The following C1QTNF8 variants were observed in gnomAD, a reference collection of about 807,000 sequenced individuals.
C1QTNF8 encodes the protein complement C1q tumor necrosis factor-related protein 8.
In C1QTNF8, 27 loss-of-function variants were observed where a neutral mutation model predicts 19.2. That is an observed-to-expected ratio of 1.41 (90% CI 1.04 to 1.94). The LOEUF (loss-of-function observed/expected upper bound fraction) is 1.94, where lower values mean the gene tolerates loss of function less well. C1QTNF8 is among the 30% of genes most tolerant of loss of function. The pLI is 0.00. For missense variants in C1QTNF8, 484 were observed against 374.4 expected, an observed-to-expected ratio of 1.29 and a Z score of -2.42; for synonymous variants, 208 against 172.8, an observed-to-expected ratio of 1.20 and a Z score of -1.60.
At chr16:1,092,528 A>C (rs868400846) in intron 4 of C1QTNF8, among the ~76,000 whole-genome samples, 434 of 40,690 alleles carry the variant, frequency 0.011, no homozygotes, top group Non-Finnish European at 0.012. Context: ...TCAACCAATC[A>C]CAGCACACAG....
In C1QTNF8 at chr16:1,088,631, T is replaced by G. The variant is rs538734686; in HGVS notation, c.*1968A>C. On this transcript the variant is annotated 3_prime_UTR_variant, in exon 5 of 5. Coordinates refer to ENST00000328449, the MANE Select transcript of C1QTNF8 (RefSeq NM_207419.3). ...TCTCAGTCATTGTTTTTTAAACAAA[T>G]AAACCTGGAAGGTTGGCGGGATGCA... is the stretch of plus-strand genomic sequence containing the variant. 3.9e-5 allele frequency among the ~76,000 whole-genome samples: 6 copies of G among 152,302 alleles called. No homozygotes were observed. The East Asian group carries it at 7.7e-4, about 20-fold the overall frequency.
intron 4 of C1QTNF8, among the ~76,000 whole-genome samples, chr16:1,092,383 C>T (rs111647439): frequency 6.7e-6 from 1 of 148,794 alleles, no homozygotes; most frequent in Non-Finnish European, 1.5e-5. Context: ...GGGGCACAAC[C>T]AATCCCTGCA....
chr16:1,094,654 ACTCCCTGTGGGCTGTTG>A, intron 3 of C1QTNF8, 44 bp downstream of exon 3: 1 of 1,427,684 alleles, frequency 7.0e-7, no homozygotes, highest in Middle Eastern at 1.9e-4. Flanking sequence ...GGTGCTCCCC[ACTCCCTGTGGGCTGTTG>A]GGTCCTGGTG....
rs776172379 is a variant in C1QTNF8, at chr16:1,094,815, A to G, written c.108T>C (p.Pro36=). 1.1e-5 allele frequency: 17 copies of G among 1,496,206 alleles called. No homozygotes were observed. The highest frequency in any genetic ancestry group is 2.2e-5 in the Admixed American group (1 of 45,326). 92.7% of individuals were successfully genotyped at this position (1,496,206 alleles called of 1,614,324 possible). A position where few individuals can be genotyped will look rare whatever the true frequency, so the allele number is the denominator to read the frequency against. Residue 36 remains proline (P), a synonymous_variant, in exon 3 of 5, where the codon CCT becomes CCC. Coordinates refer to ENST00000328449, the MANE Select transcript of C1QTNF8 (RefSeq NM_207419.3). ...CVHCCRPAWP[P]GPYARVSDRD... is the part of the protein sequence containing the mutation. ...TGTCACTCACCCGGGCATAGGGTCCAGGGGGCCAGGCCGGGCGGCAGCAGT... is the reference window on the plus strand; with the variant it reads ...TGTCACTCACCCGGGCATAGGGTCCGGGGGGCCAGGCCGGGCGGCAGCAGT...
Position 1,093,630 on chromosome 16 carries a change from C to T in C1QTNF8, c.630G>A (p.Leu210=), listed in dbSNP as rs2151566672. The part of the protein sequence containing the change: ...SVMQAQSLML[L]LAAGDAVWVR... ...CCCAGACGGCGTCGCCCGCCGCCAG[C>T]AGCAGCATCAGGCTCTGGGCCTGCA... is the stretch of plus-strand genomic sequence containing the variant. Residue 210 remains leucine (L), a synonymous_variant, in exon 4 of 5, where the codon CTG becomes CTA. Transcript: ENST00000328449. 1.2e-6 allele frequency: 2 copies of T among 1,608,982 alleles called. No homozygotes were observed. Among genetic ancestry groups the T allele is most frequent in the East Asian group, 4.5e-5 (2 of 44,730 alleles).
Position 1,093,556 on chromosome 16 carries a change from C to T in C1QTNF8, c.704G>A (p.Gly235Glu), listed in dbSNP as rs779102043. 2 of 1,589,314 alleles carry T rather than the reference C, an allele frequency of 1.3e-6. No individual in the cohort carries two copies. The highest frequency in any genetic ancestry group is 2.7e-5 in the African/African-American group (2 of 74,270). ...GCCGCTGAAGGTGATGTAGAGGTCTCCGTGCTCGCCGTAGATGGCGTTGTC... is the reference window on the plus strand; with the variant it reads ...GCCGCTGAAGGTGATGTAGAGGTCTTCGTGCTCGCCGTAGATGGCGTTGTC... ...DRDNAIYGEH[G>E]DLYITFSGHL... is the part of the protein sequence containing the mutation. The change falls in exon 4 of 5, where the codon GGA becomes GAA. Residue 235 changes from glycine to glutamate, a missense_variant. Gly to Glu is a moderately conservative substitution (Grantham distance 98). Coordinates refer to ENST00000328449, the MANE Select transcript of C1QTNF8 (RefSeq NM_207419.3).
rs1462573562 is a variant in C1QTNF8 at position 1,089,394 on chromosome 16, C to G, written c.*1205G>C. ...AGCAGGAACCCCTGGAGCCGTGCAG[C>G]TGTCCTCCGGGGCCTGGACACCAAG... is the stretch of plus-strand genomic sequence containing the variant. On this transcript the variant is annotated 3_prime_UTR_variant, in exon 5 of 5. Coordinates refer to ENST00000328449, the MANE Select transcript of C1QTNF8 (RefSeq NM_207419.3). 6.6e-6 allele frequency among the ~76,000 whole-genome samples: 1 copy of G among 152,206 alleles called. No homozygotes were observed. The highest frequency in any genetic ancestry group is 2.4e-5 in the African/African-American group (1 of 41,458).
chr16:1,093,725 A>C lies in C1QTNF8; in HGVS notation c.535T>G (p.Tyr179Asp). 1 of 1,612,222 alleles carries C rather than the reference A, an allele frequency of 6.2e-7. No homozygotes were observed. The highest frequency in any genetic ancestry group is 8.5e-7 in the Non-Finnish European group (1 of 1,179,668). ...CGCCGGTTCAGCATGATGTGCAGGT[A>C]GGTCTCCTTGTAGTTCCAGGTGTGC... ...NVHTWNYKETYLHIMLNRRPA... is the reference protein window; with the variant it reads ...NVHTWNYKETDLHIMLNRRPA... The change falls in exon 4 of 5, where the codon TAC (tyrosine) becomes GAC (aspartate). Residue 179 changes from tyrosine to aspartate, a missense_variant. Transcript: ENST00000328449.
At chr16:1,091,325 T>C (rs1960539323) in intron 4 of C1QTNF8, among the ~76,000 whole-genome samples, 1 of 152,092 alleles carries the variant, frequency 6.6e-6, no homozygotes, top group South Asian at 2.1e-4. Flanking sequence ...CTCCTGATGC[T>C]GCTCCTGCCC....
Position 1,093,540 on chromosome 16 carries a change from G to A in C1QTNF8, c.720C>T (p.Thr240=), listed in dbSNP as rs565955146. ...IYGEHGDLYI[T]FSGHLVKPAA... is the part of the protein sequence containing the mutation. ...CCGGCTTGACCAGGTGGCCGCTGAA[G>A]GTGATGTAGAGGTCTCCGTGCTCGC... The change falls in exon 4 of 5, where the codon ACC becomes ACT. Residue 240 remains threonine, a synonymous_variant. Transcript: ENST00000328449. 2 of 1,569,548 alleles carry A rather than the reference G, an allele frequency of 1.3e-6. No homozygotes were observed. Among genetic ancestry groups the A allele is most frequent in the South Asian group, 1.1e-5 (1 of 87,462 alleles).
chr16:1,091,157 G>A (rs1960535959), intron 4 of C1QTNF8, among the ~76,000 whole-genome samples: 1 of 152,168 alleles, frequency 6.6e-6, no homozygotes, highest in Non-Finnish European at 1.5e-5. Context: ...GGATCAAGGG[G>A]CCGTGGGGGC....
In C1QTNF8 at chr16:1,088,772, T is replaced by C. The variant is rs1038101111; in HGVS notation, c.*1827A>G. ...CAGCTTCCAAGAGACCTTGCACCCC[T>C]GCCCGCCTGACCCCTGCTGCAGCCC... On this transcript the variant is annotated 3_prime_UTR_variant, in exon 5 of 5. Coordinates refer to ENST00000328449, the MANE Select transcript of C1QTNF8 (RefSeq NM_207419.3). Among the ~76,000 whole-genome samples the C allele has an allele frequency of 6.6e-6, 1 of 152,070 alleles. No homozygotes were observed. Among genetic ancestry groups the C allele is most frequent in the African/African-American group, 2.4e-5 (1 of 41,424 alleles).
chr16:1,094,181 C>CGGG, intron 3 of C1QTNF8, 130 bp from the exon 4 acceptor site: 1 of 696,304 alleles, frequency 1.4e-6, no homozygotes, highest in Non-Finnish European at 2.1e-6. Context: ...GACGGCCCCT[C>CGGG]TCCCAGTCTC....
chr16:1,093,452 A>ACGCG (rs776067091), intron 4 of C1QTNF8, 45 bp downstream of exon 4: 3 of 1,229,930 alleles, frequency 2.4e-6, no homozygotes, highest in Non-Finnish European at 2.1e-6. Context: ...AGACACACAC[A>ACGCG]CACACGCGCG....
At chr16:1,095,019 C>T (rs914501661) in intron 2 of C1QTNF8, 86 bp from the exon 3 acceptor site, 22 of 541,868 alleles carry the variant, frequency 4.1e-5, no homozygotes, top group African/African-American at 9.8e-5. Context: ...GCCCTGCCCC[C>T]GTTGGGAATA....
At chr16:1,096,244 C>CT (rs1285898830), upstream of C1QTNF8, 1 of 152,068 alleles carries the variant, frequency 6.6e-6, no homozygotes, top group Non-Finnish European at 1.5e-5. Flanking sequence ...TTCCTCTGGG[C>CT]TGTCCAAGAG....
intron 1 of C1QTNF8, 30 bp downstream of exon 1, chr16:1,096,126 T>C (rs12719787): frequency 0.53 from 80,965 of 151,564 alleles, 23,529 homozygotes; most frequent in African/African-American, 0.77. Context: ...GCCCTGTGCT[T>C]CCTGTTACCG....
chr16:1,090,580 C>G lies in C1QTNF8; in HGVS notation c.*19G>C, dbSNP rs1196721436. 6.6e-6 allele frequency: 1 copy of G among 152,366 alleles called. No individual in the cohort carries two copies. Among genetic ancestry groups the G allele is most frequent in the African/African-American group, 2.4e-5 (1 of 41,438 alleles). The allele number at this position is 152,366 out of a possible 1,614,324, so 9.4% of individuals were successfully genotyped here. A position where few individuals can be genotyped will look rare whatever the true frequency, so the allele number is the denominator to read the frequency against. On this transcript the variant is annotated 3_prime_UTR_variant, in exon 5 of 5. Coordinates refer to ENST00000328449, the MANE Select transcript of C1QTNF8 (RefSeq NM_207419.3). ...CCAGCCGGGGCTCCCAGAGTCCCCACAGGCGGACGTCTGTCTGTAAGGAGG... is the reference window on the plus strand; with the variant it reads ...CCAGCCGGGGCTCCCAGAGTCCCCAGAGGCGGACGTCTGTCTGTAAGGAGG...
In C1QTNF8 at chr16:1,093,796, C is replaced by A. The variant is rs565892702; in HGVS notation, c.464G>T (p.Arg155Leu). The change falls in exon 4 of 5, where the codon CGC becomes CTC. Residue 155 changes from arginine to leucine, a missense_variant. Transcript: ENST00000328449. The stretch of plus-strand genomic sequence containing the variant: ...GACGCCGGGCACCGTGCAGAGGAAG[C>A]GGCCCGCGGCCAGGTCGAAGGCGCC... Reference protein sequence around the residue: ...LDGAFDLAAGRFLCTVPGVYF... With the variant: ...LDGAFDLAAGLFLCTVPGVYF... 3.1e-6 allele frequency: 5 copies of A among 1,611,346 alleles called. No individual in the cohort carries two copies. Among genetic ancestry groups the A allele is most frequent in the East Asian group, 2.2e-5 (1 of 44,850 alleles).
Sources: allele counts gnomAD v4.1 joint callset (sites outside exome capture counted in the v4.1 genomes callset), GRCh38; gene constraint gnomAD v4.1.1; transcripts MANE v1.5; gene names NCBI Gene and HGNC (gene_info 2026-07-23, HGNC 2026-07-21).